SPEF2: variants seen among roughly 807,000 people sequenced by gnomAD.
SPEF2 encodes the protein sperm flagella and cilia-associated protein 2.
SPEF2 carries 187 observed loss-of-function variants against 224.6 expected under a neutral mutation model. The ratio of observed to expected loss-of-function variants is 0.83; its 90% CI spans 0.74 to 0.94. SPEF2 has a LOEUF of 0.94. Ranked by LOEUF, SPEF2 falls within the 40% of genes least tolerant of loss-of-function variation. SPEF2 has a pLI of 0.00. For synonymous variants in SPEF2, 715 were observed against 707.3 expected (o/e 1.01, Z -0.17); for missense variants, 2,170 against 2,135.6 (o/e 1.02, Z -0.32).
At chr5:35,765,844 T>C (rs193052962) in intron 26 of SPEF2, among the ~76,000 whole-genome samples, 1 of 152,212 alleles carries the variant, frequency 6.6e-6, no homozygotes, top group East Asian at 1.9e-4. Flanking sequence ...CTCTAGAGGT[T>C]TTTTCATGAA....
At chr5:35,719,346 A>C (rs1743195825) in intron 20 of SPEF2, among the ~76,000 whole-genome samples, 1 of 152,206 alleles carries the variant, frequency 6.6e-6, no homozygotes, top group Non-Finnish European at 1.5e-5. Context: ...ATTTTTGTTA[A>C]AAAATCATCA....
intron 30 of SPEF2, chr5:35,788,268 C>T: frequency 2.8e-6 from 2 of 702,982 alleles, no homozygotes; most frequent in South Asian, 3.0e-5. Context: ...TCATGCCATG[C>T]TATTGCCAAG....
chr5:35,733,259 C>T (rs961610347), intron 21 of SPEF2, among the ~76,000 whole-genome samples: 6 of 152,060 alleles, frequency 3.9e-5, no homozygotes, highest in African/African-American at 1.2e-4. Flanking sequence ...GGACTACAGG[C>T]GCCCGCCACC....
intron 21 of SPEF2, among the ~76,000 whole-genome samples, chr5:35,736,337 T>G (rs2149680338): frequency 6.6e-6 from 1 of 152,334 alleles, no homozygotes; most frequent in Non-Finnish European, 1.5e-5. Flanking sequence ...TACCCAAGAC[T>G]GAGTCATTTA....
intron 6 of SPEF2, among the ~76,000 whole-genome samples, chr5:35,650,277 T>C (rs1367072393): frequency 2.0e-5 from 3 of 152,276 alleles, no homozygotes; most frequent in South Asian, 4.2e-4. Context: ...AGAATACTCA[T>C]GTACATTGCC....
chr5:35,718,597 A>G (rs922582581), intron 20 of SPEF2, among the ~76,000 whole-genome samples: 17 of 152,146 alleles, frequency 1.1e-4, no homozygotes, highest in Non-Finnish European at 2.4e-4. Flanking sequence ...CCTTGCACCC[A>G]TGAAGCAGGG....
At position 35,617,963 on chromosome 5, in the gene SPEF2, A is replaced by T; in HGVS notation, c.-35A>T. ...AGGCTTGGTTCCTGGCGAGTTTCTA[A>T]GCCCCCGCCTGCGGTCTGAGGCACC... On this transcript the variant is annotated 5_prime_UTR_variant, in exon 1 of 37. It adds an upstream start codon to the 5' untranslated region. Coordinates refer to ENST00000356031, the MANE Select transcript of SPEF2 (RefSeq NM_024867.4). The T allele has an allele frequency of 6.4e-7, 1 of 1,558,206 alleles. No homozygotes were observed. Among genetic ancestry groups the T allele is most frequent in the East Asian group, 2.4e-5 (1 of 41,594 alleles).
chr5:35,708,067 C>T (rs1740175484), intron 18 of SPEF2, among the ~76,000 whole-genome samples: 1 of 152,086 alleles, frequency 6.6e-6, no homozygotes, highest in African/African-American at 2.4e-5. Context: ...ACTGTTGTAT[C>T]TCCAGCAATC....
chr5:35,807,296 T>G, intron 36 of SPEF2, 43 bp downstream of exon 36: 1 of 1,591,946 alleles, frequency 6.3e-7, no homozygotes, highest in East Asian at 2.2e-5. Flanking sequence ...TGGGCTCCAG[T>G]TCAGGACATG....
At chr5:35,689,789 T>C (rs547190713) in intron 10 of SPEF2, among the ~76,000 whole-genome samples, 1 of 152,210 alleles carries the variant, frequency 6.6e-6, no homozygotes, top group Non-Finnish European at 1.5e-5. Context: ...GTTTTTGTTA[T>C]TGTGAATAGT....
Position 35,806,892 on chromosome 5 carries a change from T to G in SPEF2, c.5196T>G (p.Ser1732Arg), listed in dbSNP as rs1758132974. ...TACTCAAAGTGTTCAAAGGGGGAAG[T>G]GAAGCACAGGACTCCAATAGATTTG... ...ETLLKVFKGG[S>R]EAQDSNRFAS... is the part of the protein sequence containing the mutation. The change falls in exon 35 of 37, where the codon AGT becomes AGG. Residue 1732 changes from serine to arginine, a missense_variant. Coordinates refer to ENST00000356031, the MANE Select transcript of SPEF2 (RefSeq NM_024867.4). The G allele has an allele frequency of 5.6e-6, 9 of 1,613,870 alleles. No homozygotes were observed. The African/African-American group carries it at 8.0e-5, about 14-fold the overall frequency.
chr5:35,785,013 A>T (rs1754902355), intron 30 of SPEF2, among the ~76,000 whole-genome samples: 1 of 152,234 alleles, frequency 6.6e-6, no homozygotes, highest in Non-Finnish European at 1.5e-5. Context: ...AATTATAAAA[A>T]TACAATATTA....
intron 2 of SPEF2, among the ~76,000 whole-genome samples, chr5:35,639,953 A>G (rs777567690): frequency 3.2e-4 from 49 of 152,254 alleles, no homozygotes; most frequent in Non-Finnish European, 4.6e-4. Flanking sequence ...GCTTCCACCA[A>G]TTTACACACA....
intron 6 of SPEF2, among the ~76,000 whole-genome samples, chr5:35,651,781 A>G (rs1748219456): frequency 1.3e-5 from 2 of 152,166 alleles, no homozygotes; most frequent in African/African-American, 4.8e-5. Flanking sequence ...CTGCTCCTGA[A>G]CAGTTTCTCT....
At chr5:35,771,549 A>G (rs1482878439) in intron 26 of SPEF2, 60 bp from the exon 27 acceptor site, 1 of 1,566,322 alleles carries the variant, frequency 6.4e-7, no homozygotes, top group Non-Finnish European at 8.6e-7. Flanking sequence ...GACTACATCC[A>G]AATGGTTGCC....
intron 21 of SPEF2, among the ~76,000 whole-genome samples, chr5:35,739,060 G>A (rs538100284): frequency 7.4e-4 from 113 of 152,040 alleles, no homozygotes; most frequent in Non-Finnish European, 1.3e-3. Context: ...AAACTACATC[G>A]TCTTCAGATG....
intron 30 of SPEF2, among the ~76,000 whole-genome samples, chr5:35,783,619 A>G (rs1754649805): frequency 6.6e-6 from 1 of 152,212 alleles, no homozygotes; most frequent in African/African-American, 2.4e-5. Flanking sequence ...GAAATACCCT[A>G]GTAGGCATTT....
intron 24 of SPEF2, among the ~76,000 whole-genome samples, chr5:35,755,242 G>A (rs965233894): frequency 6.6e-6 from 1 of 152,246 alleles, no homozygotes. Context: ...ATTAAAGTGA[G>A]ATGCCTAAGC....
chr5:35,762,055 ATAATAT>A (rs1435324300), intron 25 of SPEF2, among the ~76,000 whole-genome samples: 1 of 152,208 alleles, frequency 6.6e-6, no homozygotes, highest in Non-Finnish European at 1.5e-5. Flanking sequence ...TATAGCAATA[ATAATAT>A]TAGTAGTAGT....
Sources: gnomAD v4.1 joint callset for allele counts (sites outside exome capture counted in the v4.1 genomes callset) on GRCh38, gnomAD v4.1.1 for gene constraint, MANE v1.5 for transcripts, NCBI Gene and HGNC (gene_info 2026-07-23, HGNC 2026-07-21) for gene names.